TAOK1: variants seen among roughly 807,000 people sequenced by gnomAD.
TAOK1 encodes the protein TAO kinase 1.
Under a neutral mutation model 138.3 loss-of-function variants are expected in TAOK1, and 21 were observed. The observed-to-expected ratio is 0.15, with a 90% confidence interval of 0.11 to 0.22. The LOEUF (loss-of-function observed/expected upper bound fraction) is 0.22. Ranked by LOEUF, TAOK1 falls within the 10% of genes least tolerant of loss-of-function variation. The pLI, the probability that TAOK1 is intolerant of heterozygous loss-of-function variation, is 1.00. For missense variants in TAOK1, 651 were observed against 1,227.7 expected (o/e 0.53, Z 7.02); for synonymous variants, 361 against 398.4 (o/e 0.91, Z 1.12).
At chr17:29,399,218 C>G (rs957354128) in intron 1 of TAOK1, among the ~76,000 whole-genome samples, 1 of 151,814 alleles carries the variant, frequency 6.6e-6, no homozygotes, top group Non-Finnish European at 1.5e-5. Context: ...CTCCTGAGCT[C>G]AAGTGGTTCC....
chr17:29,447,123 C>T (rs904370635), intron 1 of TAOK1, among the ~76,000 whole-genome samples: 3 of 150,688 alleles, frequency 2.0e-5, no homozygotes, highest in African/African-American at 2.4e-5. Context: ...GATCAGAGTG[C>T]ACTACAACCT....
intron 3 of TAOK1, among the ~76,000 whole-genome samples, chr17:29,473,313 C>T (rs991571548): frequency 5.9e-5 from 9 of 152,062 alleles, no homozygotes; most frequent in African/African-American, 2.2e-4. Flanking sequence ...ATGGTATCTT[C>T]TTCCAATATA....
intron 1 of TAOK1, among the ~76,000 whole-genome samples, chr17:29,448,079 A>G (rs543251983): frequency 1.5e-3 from 189 of 122,340 alleles, no homozygotes; most frequent in African/African-American, 5.0e-3. Flanking sequence ...TCTTTTTTAT[A>G]TTGTCAAATA....
At chr17:29,451,022 A>G (rs990156393) in intron 1 of TAOK1, among the ~76,000 whole-genome samples, 1 of 152,234 alleles carries the variant, frequency 6.6e-6, no homozygotes, top group Admixed American at 6.5e-5. Flanking sequence ...TTTTCTTTGA[A>G]TGTCTGTTAG....
At chr17:29,527,058 G>A (rs772467003) in intron 17 of TAOK1, among the ~76,000 whole-genome samples, 3 of 151,980 alleles carry the variant, frequency 2.0e-5, no homozygotes, top group East Asian at 1.9e-4. Flanking sequence ...CCACGGAGTC[G>A]GAGGTTGCAG....
Position 29,482,250 on chromosome 17 carries a change from T to C in TAOK1, c.617T>C (p.Val206Ala). Residue 206 changes from valine to alanine, a missense_variant, in exon 8 of 20, where the codon GTA (valine) becomes GCA (alanine). Coordinates refer to ENST00000261716, the MANE Select transcript of TAOK1 (RefSeq NM_020791.4). Reference sequence around the variant, plus strand: ...GATGAAGGACAATATGATGGCAAAGTAGATGTGTGGTCTCTTGGAATAACA... The same window carrying C: ...GATGAAGGACAATATGATGGCAAAGCAGATGTGTGGTCTCTTGGAATAACA... ...AMDEGQYDGK[V>A]DVWSLGITCI... 6.2e-7 allele frequency: 1 copy of C among 1,613,010 alleles called. No homozygotes were observed. The highest frequency in any genetic ancestry group is 8.5e-7 in the Non-Finnish European group (1 of 1,179,550).
chr17:29,518,759 T>TC (rs2153030520), intron 16 of TAOK1, among the ~76,000 whole-genome samples: 1 of 69,626 alleles, frequency 1.4e-5, no homozygotes, highest in Non-Finnish European at 3.5e-5. Flanking sequence ...ACTTTATCTA[T>TC]TTATTTATTT....
At chr17:29,411,088 GT>G (rs71138814) in intron 1 of TAOK1, among the ~76,000 whole-genome samples, 11,779 of 93,432 alleles carry the variant, frequency 0.13, 107 homozygotes, top group Non-Finnish European at 0.17. Flanking sequence ...TCTTTTTACT[GT>G]TTTTTTTTTT....
At chr17:29,413,992 C>A (rs1905208796) in intron 1 of TAOK1, among the ~76,000 whole-genome samples, 1 of 146,808 alleles carries the variant, frequency 6.8e-6, no homozygotes, top group Non-Finnish European at 1.5e-5. Flanking sequence ...ACGCCATTCT[C>A]CTGCCTCAGC....
intron 17 of TAOK1, among the ~76,000 whole-genome samples, chr17:29,524,924 A>T (rs1207777407): frequency 6.6e-6 from 1 of 152,226 alleles, no homozygotes; most frequent in Non-Finnish European, 1.5e-5. Flanking sequence ...ATGAGTAGAA[A>T]TAAATGTAAC....
intron 8 of TAOK1, 132 bp downstream of exon 8, chr17:29,482,420 G>T: frequency 1.4e-6 from 1 of 709,598 alleles, no homozygotes; most frequent in Admixed American, 3.0e-5. Flanking sequence ...CATTTATTAA[G>T]GTTTTCACTT....
intron 15 of TAOK1, among the ~76,000 whole-genome samples, chr17:29,516,182 C>T (rs995906280): frequency 5.3e-5 from 8 of 151,736 alleles, no homozygotes; most frequent in African/African-American, 9.7e-5. Flanking sequence ...GCTGGTCTTG[C>T]GCTCCCAACC....
chr17:29,509,942 C>G (rs1198418029), intron 14 of TAOK1, among the ~76,000 whole-genome samples: 1 of 151,010 alleles, frequency 6.6e-6, no homozygotes, highest in African/African-American at 2.4e-5. Flanking sequence ...GTCTTGAACT[C>G]CTGGGCTCAG....
chr17:29,509,248 C>T (rs1015171128), intron 14 of TAOK1, among the ~76,000 whole-genome samples: 1 of 152,090 alleles, frequency 6.6e-6, no homozygotes, highest in African/African-American at 2.4e-5. Context: ...CAGCTCACTG[C>T]AACCTCTGCT....
intron 1 of TAOK1, among the ~76,000 whole-genome samples, chr17:29,441,893 G>A (rs1429153761): frequency 2.7e-5 from 4 of 150,180 alleles, no homozygotes; most frequent in South Asian, 4.2e-4. Context: ...GCAAGACTCC[G>A]TCTCAAAAAA....
intron 18 of TAOK1, among the ~76,000 whole-genome samples, chr17:29,532,665 A>G (rs548199632): frequency 2.1e-4 from 32 of 152,268 alleles, no homozygotes; most frequent in African/African-American, 7.2e-4. Context: ...GTTGGGGGTA[A>G]GGTCACAGAT....
At chr17:29,534,008 T>TA (rs547364120) in intron 18 of TAOK1, 110 bp from the exon 19 acceptor site, 10 of 1,225,262 alleles carry the variant, frequency 8.2e-6, no homozygotes, top group Non-Finnish European at 9.6e-6. Flanking sequence ...TTGTCTAAAC[T>TA]AAAAAAGAGT....
intron 1 of TAOK1, among the ~76,000 whole-genome samples, chr17:29,447,456 G>A (rs552941396): frequency 1.3e-5 from 2 of 151,614 alleles, no homozygotes; most frequent in South Asian, 2.1e-4. Context: ...TCAGCCTCCC[G>A]AGTAGCTGGG....
At chr17:29,505,595 G>C (rs925520089) in intron 13 of TAOK1, among the ~76,000 whole-genome samples, 6 of 151,858 alleles carry the variant, frequency 4.0e-5, no homozygotes, top group African/African-American at 2.4e-5. Flanking sequence ...CCAGCTCCTC[G>C]GGAGGTTGAG....
Sources: gnomAD v4.1 joint callset for allele counts (sites outside exome capture counted in the v4.1 genomes callset) on GRCh38, gnomAD v4.1.1 for gene constraint, MANE v1.5 for transcripts, NCBI Gene and HGNC (gene_info 2026-07-23, HGNC 2026-07-21) for gene names.